Variants in CIROP observed in about 807,000 individuals in gnomAD.
CIROP encodes the protein ciliated left-right organizer metallopeptidase.
the CIROP span, chr14:23,104,882 T>TGGC: frequency 1.2e-3 from 791 of 661,488 alleles, 3 homozygotes; most frequent in Non-Finnish European, 1.9e-3. Context: ...TGAGGACTAG[T>TGGC]GGCGGCAGCA....
chr14:23,104,654 G>C, the CIROP span: 16 of 702,802 alleles, frequency 2.3e-5, no homozygotes, highest in Non-Finnish European at 3.9e-5. Context: ...CCAGGGCTCG[G>C]GATCCCCCTC....
chr14:23,103,611 C>G, the CIROP span: 2 of 657,216 alleles, frequency 3.0e-6, no homozygotes, highest in Non-Finnish European at 5.5e-6. Context: ...TGCTCCCTAA[C>G]CCTCCTCATG....
the CIROP span, chr14:23,100,808 G>C: frequency 2.5e-6 from 1 of 398,970 alleles, no homozygotes; most frequent in Admixed American, 4.4e-5. Context: ...AAAGGACTTA[G>C]GGATTCTCCT....
At chr14:23,102,008 A>G in the CIROP span, 3 of 700,920 alleles carry the variant, frequency 4.3e-6, no homozygotes, top group Admixed American at 2.0e-5. Context: ...ATACATCAGC[A>G]ACAGACACCC....
chr14:23,104,721 CA>C, the CIROP span: 1 of 702,992 alleles, frequency 1.4e-6, no homozygotes, highest in East Asian at 2.7e-5. Context: ...TCCTAGATAG[CA>C]GCTTTGGATT....
chr14:23,104,451 A>G, the CIROP span: 10 of 702,908 alleles, frequency 1.4e-5, no homozygotes, highest in Admixed American at 2.0e-4. Flanking sequence ...GTCTCGACTC[A>G]GAAGCAGGGG....
the CIROP span, chr14:23,102,264 C>T: frequency 1.4e-6 from 1 of 702,740 alleles, no homozygotes; most frequent in Non-Finnish European, 2.6e-6. Context: ...ACAGAAGGCC[C>T]TCCTGGAGGA....
At chr14:23,103,484 G>T in the CIROP span, 1 of 548,150 alleles carries the variant, frequency 1.8e-6, no homozygotes, top group Non-Finnish European at 3.2e-6. Context: ...AGCCCAGGAG[G>T]TCAAGGCTGC....
the CIROP span, chr14:23,101,386 C>T: frequency 4.5e-5 from 26 of 572,004 alleles, no homozygotes; most frequent in Admixed American, 6.3e-5. Context: ...TAAGTAGCAG[C>T]GGCCCATGAG....
chr14:23,104,920 T>A, the CIROP span: 2 of 678,624 alleles, frequency 2.9e-6, no homozygotes, highest in Non-Finnish European at 5.4e-6. Flanking sequence ...AGCAGCAGCA[T>A]CTCCCTTCTG....
At chr14:23,101,937 G>A in the CIROP span, 1 of 701,578 alleles carries the variant, frequency 1.4e-6, no homozygotes, top group Non-Finnish European at 2.6e-6. Flanking sequence ...GAAGGAAAGA[G>A]AGCCCTCAGC....
the CIROP span, chr14:23,103,361 G>A: frequency 2.6e-6 from 1 of 379,312 alleles, no homozygotes; most frequent in Non-Finnish European, 4.7e-6. Context: ...CACAGCCTGG[G>A]CAACATGACA....
At chr14:23,099,077 A>C in the CIROP span, 1 of 389,752 alleles carries the variant, frequency 2.6e-6, no homozygotes, top group Non-Finnish European at 4.7e-6. Context: ...AGGTTGAACA[A>C]TTTATTTTTG....
At chr14:23,099,704 C>T in the CIROP span, 115 of 335,820 alleles carry the variant, frequency 3.4e-4, no homozygotes, top group Non-Finnish European at 5.4e-4. Context: ...GGACTACAGG[C>T]GCACGCCGCA....
At chr14:23,101,319 G>A in the CIROP span, 1 of 513,514 alleles carries the variant, frequency 1.9e-6, no homozygotes. Flanking sequence ...GAAGGCATGG[G>A]ACCCAAGGCG....
chr14:23,104,395 T>G, the CIROP span: 1 of 702,948 alleles, frequency 1.4e-6, no homozygotes, highest in East Asian at 2.7e-5. Context: ...CTGTGGTAGT[T>G]TGGGCTATCT....
chr14:23,099,439 G>A, the CIROP span: 1 of 413,344 alleles, frequency 2.4e-6, no homozygotes, highest in Non-Finnish European at 4.4e-6. Context: ...GAGTCCCATG[G>A]ACAGCCTTAG....
At chr14:23,101,447 C>T in the CIROP span, 1 of 602,156 alleles carries the variant, frequency 1.7e-6, no homozygotes, top group Admixed American at 2.9e-5. Flanking sequence ...GGCTTATCCC[C>T]AGGGAGCAGC....
the CIROP span, chr14:23,102,322 C>T: frequency 2.8e-6 from 2 of 702,174 alleles, no homozygotes; most frequent in African/African-American, 1.7e-5. Context: ...CTTCCATCAC[C>T]CCAAGGTGTT....
Sources: allele counts gnomAD v4.1 joint callset, GRCh38; gene constraint gnomAD v4.1.1; transcripts MANE v1.5; gene names NCBI Gene and HGNC (gene_info 2026-07-23, HGNC 2026-07-21).